The following CEPT1 variants were observed in gnomAD, a reference collection of about 807,000 sequenced individuals.
The protein encoded by CEPT1 is choline/ethanolamine phosphotransferase 1, also known as choline/ethanolaminephosphotransferase 1.
In CEPT1, 7 loss-of-function variants were observed where a neutral mutation model predicts 42.6. The ratio of observed to expected loss-of-function variants is 0.16; its 90% CI spans 0.09 to 0.31. The LOEUF (loss-of-function observed/expected upper bound fraction) is 0.31, where lower values mean the gene tolerates loss of function less well. CEPT1 is among the 10% of genes least tolerant of loss of function. The pLI, the probability that CEPT1 is intolerant of heterozygous loss-of-function variation, is 1.00. For synonymous variants in CEPT1, 171 were observed against 171.9 expected (o/e 0.99, Z 0.04); for missense variants, 306 against 502.1 (o/e 0.61, Z 3.73).
At chr1:111,177,324 A>G (rs1191323236) in intron 5 of CEPT1, among the ~76,000 whole-genome samples, 2 of 152,182 alleles carry the variant, frequency 1.3e-5, no homozygotes, top group African/African-American at 2.4e-5. Flanking sequence ...GGGATGCTGA[A>G]TAAACTTTTG....
At chr1:111,172,549 A>T (rs1656473287) in intron 4 of CEPT1, among the ~76,000 whole-genome samples, 1 of 152,230 alleles carries the variant, frequency 6.6e-6, no homozygotes, top group African/African-American at 2.4e-5. Context: ...TCTTAGTGGA[A>T]AGGTGGAAGA....
At chr1:111,150,081 T>G (rs1446876549) in intron 2 of CEPT1, among the ~76,000 whole-genome samples, 6 of 152,194 alleles carry the variant, frequency 3.9e-5, no homozygotes, top group Non-Finnish European at 8.8e-5. Flanking sequence ...AGCTGCTGCT[T>G]GTTGTTCTGC....
intron 5 of CEPT1, among the ~76,000 whole-genome samples, chr1:111,175,805 G>T (rs772782071): frequency 7.7e-4 from 117 of 152,068 alleles, no homozygotes; most frequent in Non-Finnish European, 5.6e-4. Flanking sequence ...GGTTGTCATG[G>T]TATGTACTCC....
chr1:111,154,187 G>GTATTT (rs201981261), intron 2 of CEPT1, among the ~76,000 whole-genome samples: 9,428 of 130,900 alleles, frequency 0.072, 469 homozygotes, highest in East Asian at 0.14. Flanking sequence ...TTATTCCCAA[G>GTATTT]TATTTTATTT....
At chr1:111,148,692 C>T (rs1055202186) in intron 2 of CEPT1, among the ~76,000 whole-genome samples, 3 of 152,194 alleles carry the variant, frequency 2.0e-5, no homozygotes, top group Non-Finnish European at 2.9e-5. Flanking sequence ...TCTCTTCTAC[C>T]GTTACCCTCT....
chr1:111,145,106 C>T (rs1267898525), intron 1 of CEPT1, among the ~76,000 whole-genome samples: 1 of 152,012 alleles, frequency 6.6e-6, no homozygotes, highest in Non-Finnish European at 1.5e-5. Flanking sequence ...ACCTTCGCCT[C>T]CTGGGGTCAA....
chr1:111,161,077 G>T, intron 3 of CEPT1, 78 bp from the exon 4 acceptor site: 1 of 1,447,814 alleles, frequency 6.9e-7, no homozygotes. Context: ...ATATCTTTTT[G>T]TCTCATCTAA....
chr1:111,161,114 A>C (rs762214682), intron 3 of CEPT1, 41 bp from the exon 4 acceptor site: 5 of 1,603,688 alleles, frequency 3.1e-6, no homozygotes, highest in Admixed American at 1.7e-5. Context: ...GTTGTTTGCT[A>C]TTCATATTAT....
intron 4 of CEPT1, among the ~76,000 whole-genome samples, chr1:111,164,088 C>T (rs1019561649): frequency 2.6e-5 from 4 of 151,894 alleles, no homozygotes; most frequent in African/African-American, 9.7e-5. Context: ...GTTCCTTAGC[C>T]TCTTTATTAT....
chr1:111,142,602 G>A (rs1247357665), intron 1 of CEPT1, among the ~76,000 whole-genome samples: 1 of 152,138 alleles, frequency 6.6e-6, no homozygotes, highest in Non-Finnish European at 1.5e-5. Context: ...TTGTAGTGAG[G>A]CAAGATCTGG....
chr1:111,174,770 ATT>A, intron 4 of CEPT1, 107 bp from the exon 5 acceptor site: 1 of 566,342 alleles, frequency 1.8e-6, no homozygotes, highest in Non-Finnish European at 3.1e-6. Context: ...AATATTTGAG[ATT>A]TTTTTTTTCT....
At chr1:111,141,483 GT>G (rs1654555610) in intron 1 of CEPT1, among the ~76,000 whole-genome samples, 1 of 152,098 alleles carries the variant, frequency 6.6e-6, no homozygotes, top group Non-Finnish European at 1.5e-5. Context: ...CTTTAGATTT[GT>G]TTTTTAAGCT....
upstream of CEPT1, chr1:111,139,912 C>T (rs1368797366): frequency 6.6e-6 from 1 of 152,322 alleles, no homozygotes; most frequent in African/African-American, 2.4e-5. Flanking sequence ...GCCTGCGACG[C>T]GGGTAAGGGG....
intron 5 of CEPT1, chr1:111,181,754 T>A (rs1657001938): frequency 6.6e-6 from 1 of 152,440 alleles, no homozygotes; most frequent in Non-Finnish European, 1.5e-5. Flanking sequence ...TCTATTATGA[T>A]TCATACTTCC....
At chr1:111,165,362 TA>T (rs903788600) in intron 4 of CEPT1, among the ~76,000 whole-genome samples, 198 of 145,440 alleles carry the variant, frequency 1.4e-3, no homozygotes, top group Admixed American at 1.2e-3. Flanking sequence ...ACATCGGTCT[TA>T]AAAAAAAAAA....
chr1:111,157,711 G>T lies in CEPT1; in HGVS notation c.340-1669G>T, dbSNP rs1300411781. 3.3e-5 allele frequency among the ~76,000 whole-genome samples: 5 copies of T among 152,168 alleles called. No individual in the cohort carries two copies. The East Asian group carries it at 9.6e-4, about 29-fold the overall frequency. On this transcript the variant is annotated intron_variant, in intron 2 of 8. Transcript: ENST00000357172. ...GGTTTATAACTCTGGCTTAGTGGAGGTATGTGCTAGCTCCTTTGGATAATC... is the reference window on the plus strand; with the variant it reads ...GGTTTATAACTCTGGCTTAGTGGAGTTATGTGCTAGCTCCTTTGGATAATC...
chr1:111,146,881 A>G (rs930033710), intron 1 of CEPT1, among the ~76,000 whole-genome samples: 1 of 150,830 alleles, frequency 6.6e-6, no homozygotes, highest in Non-Finnish European at 1.5e-5. Context: ...TCATTGTTGT[A>G]TATCTCCACC....
intron 1 of CEPT1, chr1:111,140,670 C>T (rs979844106): frequency 1.3e-5 from 2 of 152,418 alleles, no homozygotes; most frequent in Non-Finnish European, 2.9e-5. Flanking sequence ...GGAGCGCTAC[C>T]CGTGCCGAAC....
chr1:111,149,280 T>TTTTTTTTTTTTTA (rs1246054998), intron 2 of CEPT1, among the ~76,000 whole-genome samples: 1 of 151,412 alleles, frequency 6.6e-6, no homozygotes, highest in African/African-American at 2.4e-5. Context: ...TTTTTTTTTT[T>TTTTTTTTTTTTTA]GAGACAGGGT....
Sources: allele counts gnomAD v4.1 joint callset (sites outside exome capture counted in the v4.1 genomes callset), GRCh38; gene constraint gnomAD v4.1.1; transcripts MANE v1.5; gene names NCBI Gene and HGNC (gene_info 2026-07-23, HGNC 2026-07-21).